The following SEMA5A variants were observed in gnomAD, a reference collection of about 807,000 sequenced individuals.
SEMA5A encodes the protein semaphorin 5A, also known as semaphorin-5A.
SEMA5A carries 55 observed loss-of-function variants against 135.5 expected under a neutral mutation model. That is an observed-to-expected ratio of 0.41 (90% CI 0.33 to 0.51). The LOEUF (loss-of-function observed/expected upper bound fraction) is 0.51. SEMA5A is among the 20% of genes least tolerant of loss of function. The probability of loss-of-function intolerance (pLI) is 0.37; values close to 1 mark genes in which losing one functional copy is unlikely to be tolerated. For synonymous variants in SEMA5A, 580 were observed against 546.5 expected (o/e 1.06, Z -0.85); for missense variants, 1,290 against 1,419.9 (o/e 0.91, Z 1.47).
At chr5:9,211,303 T>C (rs1430240616) in intron 8 of SEMA5A, among the ~76,000 whole-genome samples, 1 of 152,230 alleles carries the variant, frequency 6.6e-6, no homozygotes, top group Non-Finnish European at 1.5e-5. Context: ...CTATGCAGTC[T>C]TGATTCTATT....
At chr5:9,529,681 G>A (rs929581778) in intron 1 of SEMA5A, among the ~76,000 whole-genome samples, 4 of 151,966 alleles carry the variant, frequency 2.6e-5, no homozygotes, top group African/African-American at 7.3e-5. Context: ...TTCAAATACC[G>A]GACTCCTCCT....
At chr5:9,123,597 A>G (rs1467024583) in intron 13 of SEMA5A, among the ~76,000 whole-genome samples, 1 of 152,152 alleles carries the variant, frequency 6.6e-6, no homozygotes, top group Non-Finnish European at 1.5e-5. Context: ...ACTAAGAGGA[A>G]CTGGAGTGAA....
At chr5:9,221,521 C>G (rs1331326766) in intron 8 of SEMA5A, among the ~76,000 whole-genome samples, 4 of 151,982 alleles carry the variant, frequency 2.6e-5, no homozygotes, top group South Asian at 4.2e-4. Flanking sequence ...CCAGGATGGT[C>G]TCGATCTCCT....
At chr5:9,178,517 G>C (rs572208984) in intron 11 of SEMA5A, among the ~76,000 whole-genome samples, 3 of 152,032 alleles carry the variant, frequency 2.0e-5, no homozygotes, top group South Asian at 4.2e-4. Flanking sequence ...ATTTTTAGTA[G>C]AGACAGGTTT....
At chr5:9,514,647 T>C (rs1055451974) in intron 1 of SEMA5A, among the ~76,000 whole-genome samples, 2 of 152,190 alleles carry the variant, frequency 1.3e-5, no homozygotes, top group African/African-American at 4.8e-5. Context: ...TTATACTGTA[T>C]TGCTTAGGAA....
intron 1 of SEMA5A, among the ~76,000 whole-genome samples, chr5:9,527,439 C>A (rs1050331329): frequency 7.2e-5 from 11 of 152,162 alleles, no homozygotes; most frequent in African/African-American, 2.7e-4. Context: ...GCAACAATTC[C>A]AAGCCCTGGT....
At chr5:9,489,390 G>A (rs555082560) in intron 1 of SEMA5A, among the ~76,000 whole-genome samples, 3 of 152,118 alleles carry the variant, frequency 2.0e-5, no homozygotes, top group South Asian at 2.1e-4. Context: ...TCCATAAAAC[G>A]CATACCTTTG....
At chr5:9,347,219 A>G (rs1168255402) in intron 3 of SEMA5A, among the ~76,000 whole-genome samples, 3 of 152,212 alleles carry the variant, frequency 2.0e-5, no homozygotes, top group Non-Finnish European at 2.9e-5. Context: ...GCTTTTTCGA[A>G]TCTTTTCTGG....
chr5:9,104,988 G>A (rs1739835371), intron 16 of SEMA5A, among the ~76,000 whole-genome samples: 1 of 152,176 alleles, frequency 6.6e-6, no homozygotes, highest in African/African-American at 2.4e-5. Flanking sequence ...GGAATGCCAG[G>A]GTCACAGAAT....
At chr5:9,221,370 T>G (rs936369038) in intron 8 of SEMA5A, among the ~76,000 whole-genome samples, 1 of 145,442 alleles carries the variant, frequency 6.9e-6, no homozygotes, top group Admixed American at 7.1e-5. Flanking sequence ...TGGCGCGATC[T>G]CGGCTTACTG....
At chr5:9,205,217 G>T (rs893371270) in intron 8 of SEMA5A, among the ~76,000 whole-genome samples, 2 of 152,252 alleles carry the variant, frequency 1.3e-5, no homozygotes, top group South Asian at 2.1e-4. Context: ...CTGGTAAGCA[G>T]GTTTACTGAG....
At chr5:9,234,721 T>G (rs2150443500) in intron 6 of SEMA5A, among the ~76,000 whole-genome samples, 1 of 152,344 alleles carries the variant, frequency 6.6e-6, no homozygotes, top group African/African-American at 2.4e-5. Context: ...ACAAATGCGG[T>G]TTGAGTCAAT....
intron 3 of SEMA5A, among the ~76,000 whole-genome samples, chr5:9,356,172 G>T (rs1321405940): frequency 6.6e-6 from 1 of 152,154 alleles, no homozygotes; most frequent in East Asian, 1.9e-4. Flanking sequence ...TTTCTTCTCT[G>T]AGGGTTACCT....
intron 3 of SEMA5A, among the ~76,000 whole-genome samples, chr5:9,353,090 AAAGGAAGG>A (rs1561176602): frequency 1.5e-4 from 2 of 13,000 alleles, no homozygotes; most frequent in Non-Finnish European, 5.0e-4. Flanking sequence ...AAAGGAAAGG[AAAGGAAGG>A]AAGGAAAGGA....
chr5:9,118,204 T>C (rs552346670), intron 15 of SEMA5A, among the ~76,000 whole-genome samples: 1 of 152,302 alleles, frequency 6.6e-6, no homozygotes, highest in East Asian at 1.9e-4. Context: ...ATTCAATAAG[T>C]TTATATTAGT....
intron 3 of SEMA5A, among the ~76,000 whole-genome samples, chr5:9,372,177 G>T (rs1755163753): frequency 6.6e-6 from 1 of 152,208 alleles, no homozygotes; most frequent in African/African-American, 2.4e-5. Flanking sequence ...GGGACTCGAG[G>T]AATCCTCTAC....
chr5:9,434,870 A>G (rs1274026835), intron 2 of SEMA5A, among the ~76,000 whole-genome samples: 1 of 152,194 alleles, frequency 6.6e-6, no homozygotes, highest in Non-Finnish European at 1.5e-5. Flanking sequence ...GCAATTATAG[A>G]TTTCTAAGAA....
rs169164 is a variant in SEMA5A, at chr5:9,458,153, C to T, written c.-174-20301G>A. Among the ~76,000 whole-genome samples, 823 of 151,830 alleles carry T rather than the reference C, an allele frequency of 5.4e-3. 12 individuals carry two copies. Among genetic ancestry groups the T allele is most frequent in the African/African-American group, 0.019 (769 of 41,430 alleles). Reference sequence around the variant, plus strand: ...CGATCTCCTGACCTCGTGATCCGCCCGCCTCGGCCTCCCAAAGTGCTGGGA... The same window carrying T: ...CGATCTCCTGACCTCGTGATCCGCCTGCCTCGGCCTCCCAAAGTGCTGGGA... On this transcript the variant is annotated intron_variant, in intron 1 of 22. Transcript: ENST00000382496.
chr5:9,372,251 C>A lies in SEMA5A; in HGVS notation c.124+7572G>T, dbSNP rs568315291. Reference sequence around the variant, plus strand: ...ATGAAGAGGCTAAACTCAGCCAGTACCATGACTCCACACAACTGCTTGGTG... The same window carrying A: ...ATGAAGAGGCTAAACTCAGCCAGTAACATGACTCCACACAACTGCTTGGTG... On this transcript the variant is annotated intron_variant, in intron 3 of 22. Coordinates refer to ENST00000382496, the MANE Select transcript of SEMA5A (RefSeq NM_003966.3). 8.5e-5 allele frequency among the ~76,000 whole-genome samples: 13 copies of A among 152,350 alleles called. No individual in the cohort carries two copies. The South Asian group carries it at 2.7e-3, about 32-fold the overall frequency.
Sources: gnomAD v4.1 joint callset for allele counts (sites outside exome capture counted in the v4.1 genomes callset) on GRCh38, gnomAD v4.1.1 for gene constraint, MANE v1.5 for transcripts, NCBI Gene and HGNC (gene_info 2026-07-23, HGNC 2026-07-21) for gene names.